Variants in NRG1 observed in about 807,000 individuals in gnomAD.
The protein encoded by NRG1 is neuregulin 1.
In NRG1, 18 loss-of-function variants were observed where a neutral mutation model predicts 63.8. The observed-to-expected ratio is 0.28, with a 90% CI of 0.19 to 0.42. NRG1 has a LOEUF of 0.42. Among genes scored for constraint, NRG1 ranks in the 10% least tolerant of loss-of-function variants. The pLI, the probability that NRG1 is intolerant of heterozygous loss-of-function variation, is 1.00. For missense variants in NRG1, 762 were observed against 814.7 expected, an observed-to-expected ratio of 0.94 and a Z score of 0.79; for synonymous variants, 302 against 301.3, an observed-to-expected ratio of 1.00 and a Z score of -0.02.
At chr8:32,002,282 C>T (rs1363901062) in intron 1 of NRG1, among the ~76,000 whole-genome samples, 1 of 152,044 alleles carries the variant, frequency 6.6e-6, no homozygotes, top group Admixed American at 6.6e-5. Flanking sequence ...CCTCAGCCTC[C>T]CAAAGTGCTG....
At chr8:32,020,905 T>TATGAA (rs1158612725) in intron 1 of NRG1, among the ~76,000 whole-genome samples, 3 of 152,226 alleles carry the variant, frequency 2.0e-5, no homozygotes, top group Non-Finnish European at 4.4e-5. Context: ...TTGCTTCTAC[T>TATGAA]CTACACTATG....
intron 1 of NRG1, among the ~76,000 whole-genome samples, chr8:31,734,894 G>A (rs1814497638): frequency 6.6e-6 from 1 of 151,976 alleles, no homozygotes; most frequent in Non-Finnish European, 1.5e-5. Context: ...CCTCTTTCCT[G>A]CTTCCAGCCA....
chr8:32,188,208 A>G (rs1310487435), intron 1 of NRG1, among the ~76,000 whole-genome samples: 22 of 152,062 alleles, frequency 1.4e-4, no homozygotes, highest in Admixed American at 1.4e-3. Flanking sequence ...CTGGGATTAC[A>G]GGCATTCACC....
At chr8:32,224,974 A>G (rs1217925577) in intron 1 of NRG1, among the ~76,000 whole-genome samples, 3 of 152,192 alleles carry the variant, frequency 2.0e-5, no homozygotes, top group Non-Finnish European at 4.4e-5. Context: ...ATAAAGATGA[A>G]ACAGGTGTTA....
intron 1 of NRG1, among the ~76,000 whole-genome samples, chr8:32,286,922 G>A (rs1332078843): frequency 2.6e-5 from 4 of 152,006 alleles, no homozygotes; most frequent in South Asian, 2.1e-4. Context: ...ACTTGAACCC[G>A]GGAGGCAGAG....
chr8:31,852,511 C>T (rs201737869), intron 1 of NRG1, among the ~76,000 whole-genome samples: 6 of 151,442 alleles, frequency 4.0e-5, no homozygotes. Flanking sequence ...GGATATTAGC[C>T]CTATGTCAGA....
intron 1 of NRG1, among the ~76,000 whole-genome samples, chr8:32,390,077 C>T (rs1242318968): frequency 1.3e-5 from 2 of 152,030 alleles, no homozygotes; most frequent in South Asian, 2.1e-4. Context: ...TCTTACTGTT[C>T]GTCATTTTTT....
chr8:31,923,021 A>T (rs1286358714), intron 1 of NRG1, among the ~76,000 whole-genome samples: 1 of 152,186 alleles, frequency 6.6e-6, no homozygotes, highest in Non-Finnish European at 1.5e-5. Flanking sequence ...TGAGCAAGGA[A>T]GAATGAATAG....
chr8:32,084,195 AC>A (rs1827896593), intron 1 of NRG1, among the ~76,000 whole-genome samples: 1 of 152,242 alleles, frequency 6.6e-6, no homozygotes, highest in African/African-American at 2.4e-5. Context: ...CCTGCCACTT[AC>A]ATGGGATAAC....
At chr8:32,419,438 C>T (rs372559523) in intron 1 of NRG1, among the ~76,000 whole-genome samples, 11 of 152,092 alleles carry the variant, frequency 7.2e-5, no homozygotes, top group East Asian at 1.9e-4. Context: ...TTTTCTATGC[C>T]GCTGTCCTCT....
At chr8:31,817,600 G>A (rs1396846890) in intron 1 of NRG1, among the ~76,000 whole-genome samples, 2 of 152,144 alleles carry the variant, frequency 1.3e-5, no homozygotes, top group Non-Finnish European at 2.9e-5. Context: ...AAATCAATCT[G>A]TGGTATAGTA....
chr8:32,082,604 A>G (rs2131171714), intron 1 of NRG1, among the ~76,000 whole-genome samples: 1 of 152,302 alleles, frequency 6.6e-6, no homozygotes, highest in African/African-American at 2.4e-5. Flanking sequence ...GAAGAGTGGC[A>G]GAAAACTATA....
chr8:32,558,106 C>A (rs1835543922), intron 1 of NRG1, among the ~76,000 whole-genome samples: 1 of 152,164 alleles, frequency 6.6e-6, no homozygotes, highest in Non-Finnish European at 1.5e-5. Context: ...CGCTATCGTT[C>A]TCCAGGAATC....
chr8:32,225,198 T>A (rs902129941), intron 1 of NRG1, among the ~76,000 whole-genome samples: 3 of 152,192 alleles, frequency 2.0e-5, no homozygotes, highest in African/African-American at 7.2e-5. Flanking sequence ...CCTGGAGCTA[T>A]TAGCTTGGCC....
intron 1 of NRG1, among the ~76,000 whole-genome samples, chr8:32,578,224 G>C (rs1840014649): frequency 6.6e-6 from 1 of 152,156 alleles, no homozygotes; most frequent in Non-Finnish European, 1.5e-5. Flanking sequence ...TGGAATGCCT[G>C]ACCTCGTGAT....
At chr8:32,416,100 T>A (rs1815872662) in intron 1 of NRG1, among the ~76,000 whole-genome samples, 3 of 152,358 alleles carry the variant, frequency 2.0e-5, no homozygotes, top group South Asian at 4.1e-4. Context: ...TTCTGTCACT[T>A]ACAAATATAT....
At chr8:32,545,529 G>C (rs1777248626), upstream of NRG1, among the ~76,000 whole-genome samples, 1 of 150,174 alleles carries the variant, frequency 6.7e-6, no homozygotes, top group African/African-American at 2.5e-5. Flanking sequence ...CCTTGTTCTG[G>C]TCAGTTCCAA....
At chr8:32,582,657 G>A (rs1302972306) in intron 1 of NRG1, among the ~76,000 whole-genome samples, 1 of 152,134 alleles carries the variant, frequency 6.6e-6, no homozygotes, top group Admixed American at 6.6e-5. Context: ...GAGACTTTAG[G>A]TGGGAAAACT....
rs61730349 is a variant in NRG1, at chr8:31,640,457, C to T, written c.37+1026C>T. ...AGCGCCGGCGAGCCCGGGGAGGAGGCGCCCTATCTGGTGAAGGTGCACCAG... is the reference window on the plus strand; with the variant it reads ...AGCGCCGGCGAGCCCGGGGAGGAGGTGCCCTATCTGGTGAAGGTGCACCAG... On this transcript the variant is annotated intron_variant, in intron 1 of 10. Transcript: ENST00000519301. The surrounding 1 kb of genome is among the most constrained non-coding windows in gnomAD (Gnocchi z 6.3). 3.5e-3 allele frequency: 5,411 copies of T among 1,566,488 alleles called. 164 individuals carry two copies. The African/African-American group carries it at 0.065, about 19-fold the overall frequency.
Sources: allele counts gnomAD v4.1 joint callset (sites outside exome capture counted in the v4.1 genomes callset), GRCh38; gene constraint gnomAD v4.1.1; non-coding constraint Gnocchi (gnomAD v3.1); transcripts MANE v1.5; gene names NCBI Gene and HGNC (gene_info 2026-07-23, HGNC 2026-07-21).